HTR2C: variants seen among roughly 807,000 people sequenced by gnomAD.
The protein encoded by HTR2C is 5-hydroxytryptamine (serotonin) receptor 2C, G protein-coupled.
HTR2C carries 5 observed loss-of-function variants against 21.0 expected under a neutral mutation model. That is an observed-to-expected ratio of 0.24 (90% CI 0.12 to 0.50). HTR2C has a LOEUF of 0.50. Among genes scored for constraint, HTR2C ranks in the 20% least tolerant of loss-of-function variants. The pLI is 0.98. For missense variants in HTR2C, 271 were observed against 371.2 expected, an observed-to-expected ratio of 0.73 and a Z score of 2.22; for synonymous variants, 150 against 145.3, an observed-to-expected ratio of 1.03 and a Z score of -0.23.
chrX:114,807,365 A>G (rs181489917), intron 4 of HTR2C, among the ~76,000 whole-genome samples: 581 of 30,011 alleles, frequency 0.019, 94 homozygotes, highest in African/African-American at 0.057. Context: ...TATACACCAT[A>G]TATCTATACC....
chrX:114,868,039 G>A (rs1188321222), intron 5 of HTR2C, among the ~76,000 whole-genome samples: 1 of 110,494 alleles, frequency 9.1e-6, no homozygotes, highest in Non-Finnish European at 1.9e-5. Flanking sequence ...TATTTCTGTG[G>A]AAGAATGTCG....
intron 4 of HTR2C, among the ~76,000 whole-genome samples, chrX:114,739,051 T>C (rs1319810942): frequency 9.0e-6 from 1 of 111,004 alleles, no homozygotes; most frequent in African/African-American, 3.3e-5. Context: ...ATATGATTTA[T>C]CTCTAAAGAT....
At chrX:114,880,359 G>A (rs1190869865) in intron 5 of HTR2C, among the ~76,000 whole-genome samples, 1 of 109,795 alleles carries the variant, frequency 9.1e-6, no homozygotes, top group Non-Finnish European at 1.9e-5. Context: ...TTCCTGTATT[G>A]TAGCATTTAC....
intron 5 of HTR2C, among the ~76,000 whole-genome samples, chrX:114,859,381 G>A (rs2070988802): frequency 1.8e-5 from 2 of 110,553 alleles, no homozygotes; most frequent in African/African-American, 6.6e-5. Flanking sequence ...CTTAATTATA[G>A]ATTCAATTGC....
chrX:114,619,349 G>A lies in HTR2C; in HGVS notation c.-80+5468G>A, dbSNP rs782025613. ...CCTTCTAACTAGTTCTCCCAATTAC[G>A]CATTTGCACTCCCAAATCCGTTCTC... is the stretch of plus-strand genomic sequence containing the variant. On this transcript the variant is annotated intron_variant, in intron 2 of 5. Transcript: ENST00000276198. Among the ~76,000 whole-genome samples the A allele has an allele frequency of 8.1e-5, 9 of 111,013 alleles. 1 individual carries two copies. The highest frequency in any genetic ancestry group is 5.7e-4 in the East Asian group (2 of 3,517).
At chrX:114,738,590 G>T (rs1556424911) in intron 4 of HTR2C, among the ~76,000 whole-genome samples, 1 of 109,869 alleles carries the variant, frequency 9.1e-6, no homozygotes, top group African/African-American at 3.3e-5. Context: ...TGAACAATGA[G>T]AACACATGGA....
intron 2 of HTR2C, among the ~76,000 whole-genome samples, chrX:114,706,526 C>A (rs1440357822): frequency 1.6e-4 from 14 of 85,918 alleles, no homozygotes; most frequent in Admixed American, 1.6e-4. Flanking sequence ...CACATGGACA[C>A]AGGAAGGGGA....
intron 2 of HTR2C, among the ~76,000 whole-genome samples, chrX:114,652,220 G>C (rs1775885099): frequency 9.0e-6 from 1 of 111,518 alleles, no homozygotes; most frequent in African/African-American, 3.2e-5. Context: ...GATTTTGTTT[G>C]GTTGGAAAGC....
intron 4 of HTR2C, among the ~76,000 whole-genome samples, chrX:114,748,266 C>T (rs1424245268): frequency 9.0e-6 from 1 of 111,505 alleles, no homozygotes; most frequent in East Asian, 2.8e-4. Context: ...AAATTAAAGA[C>T]CCAAATAAAT....
chrX:114,781,811 G>A (rs1231645414), intron 4 of HTR2C, among the ~76,000 whole-genome samples: 10 of 24,650 alleles, frequency 4.1e-4, no homozygotes, highest in East Asian at 7.0e-3. Context: ...CAACCCCGCC[G>A]TCTAAAAAAA....
intron 1 of HTR2C, among the ~76,000 whole-genome samples, chrX:114,605,323 A>G (rs1928361680): frequency 9.0e-6 from 1 of 110,545 alleles, no homozygotes; most frequent in South Asian, 3.8e-4. Context: ...AGGCTGAGGA[A>G]GAATTGGGAC....
At chrX:114,610,631 C>T (rs941939593) in intron 1 of HTR2C, among the ~76,000 whole-genome samples, 5 of 111,166 alleles carry the variant, frequency 4.5e-5, no homozygotes, top group African/African-American at 1.6e-4. Flanking sequence ...TTAATATGTA[C>T]GGCAAGGTTA....
chrX:114,906,410 C>A (rs201500779), intron 5 of HTR2C, among the ~76,000 whole-genome samples, 179 bp from the exon 6 acceptor site: 1 of 111,754 alleles, frequency 8.9e-6, no homozygotes, highest in East Asian at 2.8e-4. Context: ...AAAACGCCAT[C>A]ATTTTCTGAT....
At chrX:114,673,805 A>C (rs1252860271) in intron 2 of HTR2C, among the ~76,000 whole-genome samples, 1 of 111,812 alleles carries the variant, frequency 8.9e-6, no homozygotes, top group Non-Finnish European at 1.9e-5. Context: ...TGAGCAATGC[A>C]ATTAAGTGAT....
At chrX:114,841,543 C>T (rs1467620632) in intron 4 of HTR2C, among the ~76,000 whole-genome samples, 1 of 111,060 alleles carries the variant, frequency 9.0e-6, no homozygotes, top group Non-Finnish European at 1.9e-5. Flanking sequence ...AGATCGAGAC[C>T]ATCCTGGCTA....
chrX:114,860,500 T>C (rs2070998178), intron 5 of HTR2C, among the ~76,000 whole-genome samples: 1 of 111,344 alleles, frequency 9.0e-6, no homozygotes, highest in Admixed American at 9.6e-5. Flanking sequence ...TTTTAAATAA[T>C]TCACTTATAA....
intron 4 of HTR2C, among the ~76,000 whole-genome samples, chrX:114,791,606 A>G (rs2070233561): frequency 9.0e-6 from 1 of 111,427 alleles, no homozygotes; most frequent in Non-Finnish European, 1.9e-5. Flanking sequence ...ATTTTCTTCA[A>G]TATTTGCCAA....
At chrX:114,743,839 G>A (rs2069675624) in intron 4 of HTR2C, among the ~76,000 whole-genome samples, 1 of 111,997 alleles carries the variant, frequency 8.9e-6, no homozygotes, top group Non-Finnish European at 1.9e-5. Context: ...GCCAACACTG[G>A]CAATAAAAAG....
intron 4 of HTR2C, among the ~76,000 whole-genome samples, chrX:114,807,311 A>G (rs868924126): frequency 1.7e-5 from 1 of 59,027 alleles, no homozygotes; most frequent in Admixed American, 2.3e-4. Flanking sequence ...TATATACACC[A>G]TATATCTATA....
Sources: allele counts gnomAD v4.1 joint callset (sites outside exome capture counted in the v4.1 genomes callset), GRCh38; gene constraint gnomAD v4.1.1; transcripts MANE v1.5; gene names NCBI Gene and HGNC (gene_info 2026-07-23, HGNC 2026-07-21).